CAB39: variants seen among roughly 807,000 people sequenced by gnomAD.
CAB39 encodes calcium binding protein 39.
Under a neutral mutation model 40.0 loss-of-function variants are expected in CAB39, and 8 were observed. The observed-to-expected ratio is 0.20, with a 90% confidence interval of 0.12 to 0.36. The LOEUF (loss-of-function observed/expected upper bound fraction) is 0.36, where lower values mean the gene tolerates loss of function less well. CAB39 is among the 10% of genes least tolerant of loss of function. The probability of loss-of-function intolerance (pLI) is 1.00; values close to 1 mark genes in which losing one functional copy is unlikely to be tolerated. For missense variants in CAB39, 270 were observed against 401.1 expected (o/e 0.67, Z 2.79); for synonymous variants, 156 against 141.6 (o/e 1.10, Z -0.72).
intron 1 of CAB39, among the ~76,000 whole-genome samples, chr2:230,728,472 G>A (rs1291378452): frequency 6.6e-6 from 1 of 151,828 alleles, no homozygotes; most frequent in African/African-American, 2.4e-5. Flanking sequence ...ACCATGCCCA[G>A]CTAATTTTTG....
At position 230,818,234 on chromosome 2, in the gene CAB39, T is replaced by G. The variant is rs142672270; in HGVS notation, c.838-282T>G. Reference sequence around the variant, plus strand: ...CTGACCTCTTGTGCTGAGAAATAATTTCTGCCCATTTTATTCTAAAATCAA... The same window carrying G: ...CTGACCTCTTGTGCTGAGAAATAATGTCTGCCCATTTTATTCTAAAATCAA... On this transcript the variant is annotated intron_variant, in intron 8 of 8. Transcript: ENST00000258418. The G allele has an allele frequency of 1.1e-3, 482 of 450,728 alleles. 2 individuals are homozygous for G. Among genetic ancestry groups the G allele is most frequent in the African/African-American group, 9.2e-3 (454 of 49,580 alleles). The allele number at this position is 450,728 out of a possible 1,614,324, so 27.9% of individuals were successfully genotyped here. A position where few individuals can be genotyped will look rare whatever the true frequency, so the allele number is the denominator to read the frequency against.
chr2:230,760,825 T>A (rs1043966313), intron 2 of CAB39, among the ~76,000 whole-genome samples: 2 of 152,240 alleles, frequency 1.3e-5, no homozygotes, highest in African/African-American at 4.8e-5. Context: ...CTAAATTGTT[T>A]ATGATTCAGT....
chr2:230,762,280 GAA>G lies in CAB39; in HGVS notation c.114+2168_114+2169del, dbSNP rs897467345. ...TTGGTCAATGGGGATATAAAAATAT[GAA>G]AAGTTTAGCTCCAGAAACTAGAAAC... On this transcript the variant is annotated intron_variant, in intron 2 of 8. Transcript: ENST00000258418. Among the ~76,000 whole-genome samples, 24 of 152,268 alleles carry G rather than the reference GAA, an allele frequency of 1.6e-4. 1 individual carries two copies. Among genetic ancestry groups the G allele is most frequent in the Admixed American group, 1.1e-3 (17 of 15,296 alleles).
intron 8 of CAB39, chr2:230,818,107 T>C (rs1696435561): frequency 3.7e-6 from 2 of 535,248 alleles, no homozygotes; most frequent in Non-Finnish European, 6.5e-6. Flanking sequence ...GAAGGTTTGT[T>C]CATAGAAGAG....
intron 6 of CAB39, among the ~76,000 whole-genome samples, chr2:230,813,502 C>T (rs879491856): frequency 2.0e-5 from 3 of 152,182 alleles, no homozygotes; most frequent in African/African-American, 4.8e-5. Flanking sequence ...CCTTCGTTGT[C>T]GGCCTGGTTA....
At chr2:230,758,268 A>G (rs954644895) in intron 1 of CAB39, among the ~76,000 whole-genome samples, 1 of 144,754 alleles carries the variant, frequency 6.9e-6, no homozygotes, top group Non-Finnish European at 1.5e-5. Flanking sequence ...GCGCTGCTGC[A>G]CTCCAACCTG....
chr2:230,794,363 G>A (rs1695943733), intron 4 of CAB39, among the ~76,000 whole-genome samples: 1 of 152,190 alleles, frequency 6.6e-6, no homozygotes, highest in African/African-American at 2.4e-5. Flanking sequence ...TATCAATTCA[G>A]AGTTGTATGT....
At chr2:230,728,705 G>A (rs1182368346) in intron 1 of CAB39, among the ~76,000 whole-genome samples, 1 of 152,152 alleles carries the variant, frequency 6.6e-6, no homozygotes, top group East Asian at 1.9e-4. Flanking sequence ...GAACCCCTAG[G>A]CTTAAGCAAT....
chr2:230,720,911 C>T (rs1047852610), intron 1 of CAB39, among the ~76,000 whole-genome samples: 1 of 152,194 alleles, frequency 6.6e-6, no homozygotes, highest in Non-Finnish European at 1.5e-5. Flanking sequence ...GCTCCCATCT[C>T]TCTAGTTACA....
chr2:230,751,992 A>C (rs1695093172), intron 1 of CAB39: 1 of 144,840 alleles, frequency 6.9e-6, no homozygotes, highest in Non-Finnish European at 1.5e-5. Flanking sequence ...ATGGACTTAG[A>C]TGCAGGAGTA....
intron 1 of CAB39, among the ~76,000 whole-genome samples, chr2:230,719,338 A>G (rs1438243225): frequency 6.6e-6 from 1 of 152,196 alleles, no homozygotes. Flanking sequence ...CTCACTTCAA[A>G]ATATGTGCTC....
At chr2:230,773,312 ATATGTG>A (rs1176458406) in intron 2 of CAB39, among the ~76,000 whole-genome samples, 3 of 85,132 alleles carry the variant, frequency 3.5e-5, no homozygotes, top group East Asian at 2.9e-4. Flanking sequence ...ATATATATAT[ATATGTG>A]TGTGTGTGTG....
chr2:230,813,288 C>T (rs1350731459), intron 6 of CAB39, among the ~76,000 whole-genome samples: 1 of 152,218 alleles, frequency 6.6e-6, no homozygotes, highest in Non-Finnish European at 1.5e-5. Context: ...TTCTAGCCTT[C>T]ACCATCCAGC....
At chr2:230,766,618 T>C (rs1695390638) in intron 2 of CAB39, among the ~76,000 whole-genome samples, 1 of 152,220 alleles carries the variant, frequency 6.6e-6, no homozygotes, top group Non-Finnish European at 1.5e-5. Context: ...TTGCTGCAGC[T>C]TCCACCTCCC....
intron 1 of CAB39, among the ~76,000 whole-genome samples, chr2:230,722,915 T>C (rs1694479595): frequency 6.6e-6 from 1 of 152,228 alleles, no homozygotes; most frequent in African/African-American, 2.4e-5. Flanking sequence ...AGTTGTTTTG[T>C]CTCAGTTGCA....
chr2:230,727,416 CTT>C (rs1254776167), intron 1 of CAB39, among the ~76,000 whole-genome samples: 18 of 84,748 alleles, frequency 2.1e-4, no homozygotes, highest in African/African-American at 7.5e-4. Context: ...TTTTCTTTTT[CTT>C]TTTTTTTTTT....
At chr2:230,735,623 C>T (rs1467582092) in intron 1 of CAB39, among the ~76,000 whole-genome samples, 1 of 152,176 alleles carries the variant, frequency 6.6e-6, no homozygotes, top group East Asian at 1.9e-4. Flanking sequence ...AAGCAGTCCT[C>T]CTACCCCAGG....
chr2:230,777,732 G>A (rs1026071955), intron 2 of CAB39, among the ~76,000 whole-genome samples: 7 of 152,218 alleles, frequency 4.6e-5, no homozygotes, highest in South Asian at 4.1e-4. Flanking sequence ...AAAGCCTGCC[G>A]TGGTTCTTCC....
Position 230,818,524 on chromosome 2 carries a change from A to G in CAB39, c.846A>G (p.Val282=). ...FEAFHVFKVF[V]ANPNKTQPIL... is the part of the protein sequence containing the mutation. ...CGTTTCTCTCCACGCAGGTGTTTGT[A>G]GCCAATCCTAACAAGACGCAGCCCA... Residue 282 remains valine (V), a synonymous_variant, in exon 9 of 9, where the codon GTA becomes GTG. Coordinates refer to ENST00000258418, the MANE Select transcript of CAB39 (RefSeq NM_016289.4). The G allele has an allele frequency of 2.5e-6, 4 of 1,613,748 alleles. No homozygotes were observed. Among genetic ancestry groups the G allele is most frequent in the African/African-American group, 1.3e-5 (1 of 75,008 alleles).
Sources: gnomAD v4.1 joint callset for allele counts (sites outside exome capture counted in the v4.1 genomes callset) on GRCh38, gnomAD v4.1.1 for gene constraint, MANE v1.5 for transcripts, NCBI Gene and HGNC (gene_info 2026-07-23, HGNC 2026-07-21) for gene names.